RDX: variants seen among roughly 807,000 people sequenced by gnomAD.
RDX encodes radixin.
A neutral mutation model predicts 83.7 loss-of-function variants in RDX; 32 were observed. The ratio of observed to expected loss-of-function variants is 0.38; its 90% CI spans 0.29 to 0.51. RDX has a LOEUF of 0.51. Ranked by LOEUF, RDX falls within the 20% of genes least tolerant of loss-of-function variation. The pLI, the probability that RDX is intolerant of heterozygous loss-of-function variation, is 0.87. For synonymous variants in RDX, 229 were observed against 222.7 expected, an observed-to-expected ratio of 1.03 and a Z score of -0.25; for missense variants, 600 against 689.9, an observed-to-expected ratio of 0.87 and a Z score of 1.46.
chr11:110,247,631 T>TA (rs1395367419), intron 10 of RDX, 72 bp downstream of exon 10: 36 of 1,498,662 alleles, frequency 2.4e-5, no homozygotes, highest in African/African-American at 5.6e-5. Context: ...TTAAGAGTAC[T>TA]AAAAAAAATA....
At chr11:110,218,222 A>G (rs1864125146) in intron 14 of RDX, among the ~76,000 whole-genome samples, 2 of 152,222 alleles carry the variant, frequency 1.3e-5, no homozygotes. Flanking sequence ...CTTGGAGCAT[A>G]AGAATTATGT....
At position 110,240,572 on chromosome 11, in the gene RDX, T is replaced by C. The variant is rs367692168; in HGVS notation, c.1091-2920A>G. Among the ~76,000 whole-genome samples the C allele has an allele frequency of 9.4e-3, 1,412 of 149,464 alleles. 30 individuals are homozygous for C. The highest frequency in any genetic ancestry group is 0.033 in the African/African-American group (1,343 of 40,370). On this transcript the variant is annotated intron_variant, in intron 10 of 13. Transcript: ENST00000645495. ...TCCTGGCTAACACGGTGAAACCCCG[T>C]CTCTACTAAAAATACAAAAAAAATT...
intron 1 of RDX, among the ~76,000 whole-genome samples, chr11:110,290,869 A>G (rs1861214713): frequency 6.6e-6 from 1 of 152,256 alleles, no homozygotes; most frequent in Non-Finnish European, 1.5e-5. Context: ...TAGCCCATGG[A>G]CCACAATTTG....
intron 7 of RDX, 64 bp downstream of exon 7, chr11:110,257,703 A>T: frequency 1.3e-6 from 2 of 1,542,224 alleles, no homozygotes; most frequent in Non-Finnish European, 1.8e-6. Flanking sequence ...AAAACAGGAC[A>T]TAAGATTAAC....
intron 3 of RDX, 131 bp from the exon 4 acceptor site, chr11:110,265,005 T>C (rs1383202182): frequency 1.8e-6 from 1 of 557,590 alleles, no homozygotes; most frequent in Non-Finnish European, 3.1e-6. Context: ...AGAAAAGGCT[T>C]TCCCTAAATT....
In RDX at chr11:110,293,470, T is replaced by C. The variant is rs372089393; in HGVS notation, c.-65+2997A>G. On this transcript the variant is annotated intron_variant, in intron 1 of 13. Transcript: ENST00000645495. ...TAGGAAAGGCAGGATTTCTCTAAAA[T>C]AGGCTAGAAATTGAGGAACTCTCTG... Among the ~76,000 whole-genome samples, 7 of 152,284 alleles carry C rather than the reference T, an allele frequency of 4.6e-5. No homozygotes were observed. The South Asian group carries it at 8.3e-4, about 18-fold the overall frequency.
downstream of RDX, among the ~76,000 whole-genome samples, chr11:110,224,539 A>T (rs926684986): frequency 2.0e-5 from 3 of 152,224 alleles, no homozygotes; most frequent in Non-Finnish European, 4.4e-5. Flanking sequence ...GTACGAGAGC[A>T]TAAGACTTGG....
chr11:110,207,465 C>T (rs1863647994), intron 14 of RDX, among the ~76,000 whole-genome samples: 1 of 152,170 alleles, frequency 6.6e-6, no homozygotes, highest in Non-Finnish European at 1.5e-5. Flanking sequence ...CCTAGGGTCA[C>T]ATCAAAATAT....
At position 110,230,585 on chromosome 11, in the gene RDX, C is replaced by T. The variant is rs74676538; in HGVS notation, c.*1284G>A. 3 of 59,704 alleles carry T rather than the reference C, an allele frequency of 5.0e-5. No homozygotes were observed. The highest frequency in any genetic ancestry group is 1.6e-4 in the Admixed American group (1 of 6,394). The allele number at this position is 59,704 out of a possible 1,614,324, so 3.7% of individuals were successfully genotyped here. ...CTCTCATACACACACAGAGTACACA[C>T]ACACACACACACACACACACACACA... On this transcript the variant is annotated 3_prime_UTR_variant, in exon 14 of 14. Transcript: ENST00000645495.
chr11:110,259,942 C>T (rs983691890), intron 5 of RDX, among the ~76,000 whole-genome samples: 9 of 152,080 alleles, frequency 5.9e-5, no homozygotes, highest in Admixed American at 5.2e-4. Context: ...CCCCAGTCTA[C>T]CATAATCTGG....
intron 15 of RDX, among the ~76,000 whole-genome samples, chr11:110,190,611 C>T (rs1428165782): frequency 2.6e-5 from 4 of 152,104 alleles, no homozygotes; most frequent in African/African-American, 9.7e-5. Flanking sequence ...GCAGAACTGA[C>T]ATTGAGGCCC....
chr11:110,176,085 T>A (rs1183170498), intron 15 of RDX, among the ~76,000 whole-genome samples: 5 of 138,354 alleles, frequency 3.6e-5, no homozygotes, highest in Non-Finnish European at 7.9e-5. Context: ...TTTTTCTTTT[T>A]TTCTTTTTTT....
rs1465607624 is a variant in RDX at position 110,255,087 on chromosome 11, AAT to A, written c.795+200_795+201del. ...TGAATCTCAAATAAAATAAAATTCT[AAT>A]ATTTACATCTTACTTTAAAAAATTA... On this transcript the variant is annotated intron_variant, in intron 8 of 13. Coordinates refer to ENST00000645495, the MANE Select transcript of RDX (RefSeq NM_002906.4). Among the ~76,000 whole-genome samples the A allele has an allele frequency of 2.6e-5, 4 of 152,160 alleles. 1 individual carries two copies. Among genetic ancestry groups the A allele is most frequent in the Admixed American group, 2.6e-4 (4 of 15,276 alleles).
At chr11:110,283,818 A>G (rs774243241) in intron 1 of RDX, among the ~76,000 whole-genome samples, 23 of 152,080 alleles carry the variant, frequency 1.5e-4, no homozygotes, top group Non-Finnish European at 7.4e-5. Context: ...AAACAGATAA[A>G]TATATTTTAT....
chr11:110,272,239 C>A (rs1213358766), intron 3 of RDX, among the ~76,000 whole-genome samples: 1 of 152,238 alleles, frequency 6.6e-6, no homozygotes, highest in Non-Finnish European at 1.5e-5. Context: ...TTTCACTCAA[C>A]AACTTTGTGG....
intron 2 of RDX, among the ~76,000 whole-genome samples, chr11:110,276,964 C>T (rs1411199557): frequency 7.9e-5 from 12 of 152,306 alleles, no homozygotes; most frequent in Admixed American, 5.9e-4. Context: ...TGCCATAGAC[C>T]TTGATGGGAG....
chr11:110,281,642 T>G (rs1247798770), intron 1 of RDX, among the ~76,000 whole-genome samples: 3 of 152,128 alleles, frequency 2.0e-5, no homozygotes, highest in African/African-American at 7.2e-5. Flanking sequence ...GCTGGAGGTA[T>G]AAACCCCTCA....
chr11:110,180,001 A>C (rs1259455975), intron 15 of RDX: 1 of 338,800 alleles, frequency 3.0e-6, no homozygotes, highest in Admixed American at 3.7e-5. Context: ...TCACAGGTTC[A>C]AGCGATTCTC....
rs35450797 is a variant in RDX, at chr11:110,189,243, T to TAAAAAAAAAAAAAAAA, written c.*31+10322_*31+10337dup. Among the ~76,000 whole-genome samples, 136 of 35,588 alleles carry TAAAAAAAAAAAAAAAA rather than the reference T, an allele frequency of 3.8e-3. 1 individual carries two copies. Among genetic ancestry groups the TAAAAAAAAAAAAAAAA allele is most frequent in the Non-Finnish European group, 5.4e-3 (85 of 15,744 alleles). 23.3% of individuals were successfully genotyped at this position (35,588 alleles called of 152,430 possible). A position where few individuals can be genotyped will look rare whatever the true frequency, so the allele number is the denominator to read the frequency against. Reference sequence around the variant, plus strand: ...AAACAAACTTTAAATGAACAACAGGTAAAAAAAAAAAAAAAAAAAAAAAAA... The same window carrying TAAAAAAAAAAAAAAAA: ...AAACAAACTTTAAATGAACAACAGGTAAAAAAAAAAAAAAAAAAAAAAAAAAAAAAAAAAAAAAAAA... On this transcript the variant is annotated intron_variant, in intron 15 of 15. Coordinates refer to the RDX transcript ENST00000528498.
Sources: allele counts gnomAD v4.1 joint callset (sites outside exome capture counted in the v4.1 genomes callset), GRCh38; gene constraint gnomAD v4.1.1; transcripts MANE v1.5; gene names NCBI Gene and HGNC (gene_info 2026-07-23, HGNC 2026-07-21).